Variants in SLC30A8 observed in about 807,000 individuals in gnomAD.
The protein encoded by SLC30A8 is proton-coupled zinc antiporter SLC30A8.
In SLC30A8, 27 loss-of-function variants were observed where a neutral mutation model predicts 36.9. The ratio of observed to expected loss-of-function variants is 0.73; its 90% CI spans 0.54 to 1.01. The LOEUF (loss-of-function observed/expected upper bound fraction) is 1.01, where lower values mean the gene tolerates loss of function less well. Among genes scored for constraint, SLC30A8 ranks in the 50% least tolerant of loss-of-function variants. SLC30A8 has a pLI of 0.00. For synonymous variants in SLC30A8, 164 were observed against 172.4 expected, an observed-to-expected ratio of 0.95 and a Z score of 0.38; for missense variants, 439 against 452.0, an observed-to-expected ratio of 0.97 and a Z score of 0.26.
chr8:117,105,790 CTAGAT>C (rs1180513773), intron 2 of SLC30A8, among the ~76,000 whole-genome samples: 1 of 152,122 alleles, frequency 6.6e-6, no homozygotes, highest in Non-Finnish European at 1.5e-5. Flanking sequence ...ACAGCTGCAC[CTAGAT>C]TAGTGTTTGA....
chr8:117,057,161 C>T (rs756597075), intron 2 of SLC30A8, among the ~76,000 whole-genome samples: 85 of 152,230 alleles, frequency 5.6e-4, no homozygotes, highest in Non-Finnish European at 9.1e-4. Flanking sequence ...TTTCTGATTC[C>T]GAGATGGCAT....
chr8:117,105,056 G>C (rs529387063), intron 2 of SLC30A8, among the ~76,000 whole-genome samples: 3 of 152,172 alleles, frequency 2.0e-5, no homozygotes, highest in African/African-American at 7.2e-5. Context: ...GTGGGTTTTG[G>C]CCAGCTTCTT....
intron 2 of SLC30A8, among the ~76,000 whole-genome samples, chr8:117,150,763 G>A (rs1822144994): frequency 6.6e-6 from 1 of 151,860 alleles, no homozygotes; most frequent in Non-Finnish European, 1.5e-5. Flanking sequence ...CTGCCACCAC[G>A]CTCGGCTAAT....
chr8:117,161,285 A>G (rs1563635794), intron 4 of SLC30A8, among the ~76,000 whole-genome samples: 2 of 152,194 alleles, frequency 1.3e-5, no homozygotes, highest in South Asian at 2.1e-4. Flanking sequence ...AAAATTCACT[A>G]CTTATCTTAT....
upstream of SLC30A8, among the ~76,000 whole-genome samples, chr8:117,131,590 AG>A (rs1821141226): frequency 6.6e-6 from 1 of 152,014 alleles, no homozygotes. Flanking sequence ...CCAAAGTCAT[AG>A]AGCCGATAGC....
intron 2 of SLC30A8, among the ~76,000 whole-genome samples, chr8:117,064,634 A>G (rs538188687): frequency 6.6e-6 from 1 of 152,228 alleles, no homozygotes; most frequent in Non-Finnish European, 1.5e-5. Context: ...ATTTGATGGC[A>G]GGGGGATGAC....
chr8:117,009,041 A>C (rs993644091), intron 1 of SLC30A8, among the ~76,000 whole-genome samples: 3 of 152,196 alleles, frequency 2.0e-5, no homozygotes, highest in Non-Finnish European at 4.4e-5. Flanking sequence ...AAGTATCCTG[A>C]ACAAATAACT....
Position 117,147,084 on chromosome 8 carries a change from G to A in SLC30A8, c.202G>A (p.Ala68Thr), listed in dbSNP as rs200572112. ...KPTEKGANEY[A>T]YAKWKLCSAS... Reference sequence around the variant, plus strand: ...CACAGAAAAGGGGGCGAATGAGTACGCCTATGCCAAGTGGAAACTCTGTTC... The same window carrying A: ...CACAGAAAAGGGGGCGAATGAGTACACCTATGCCAAGTGGAAACTCTGTTC... The change falls in exon 2 of 8, where the codon GCC (alanine) becomes ACC (threonine). Residue 68 changes from alanine (A) to threonine (T), a missense_variant. By Grantham distance (58) the Ala-to-Thr change is moderately conservative. Transcript: ENST00000456015. The A allele has an allele frequency of 3.9e-5, 63 of 1,614,008 alleles. No homozygotes were observed. The highest frequency in any genetic ancestry group is 1.2e-4 in the African/African-American group (9 of 74,922).
At chr8:117,145,236 A>G (rs1821844856) in intron 1 of SLC30A8, among the ~76,000 whole-genome samples, 1 of 152,142 alleles carries the variant, frequency 6.6e-6, no homozygotes, top group Non-Finnish European at 1.5e-5. Flanking sequence ...AACCTAAAGC[A>G]TCCTAATTAA....
At chr8:117,058,806 C>CCA (rs138407156) in intron 2 of SLC30A8, among the ~76,000 whole-genome samples, 6 of 152,030 alleles carry the variant, frequency 3.9e-5, no homozygotes, top group African/African-American at 1.4e-4. Flanking sequence ...TTATTGGAAT[C>CCA]CACACACACA....
chr8:117,130,453 C>T (rs1011015854), upstream of SLC30A8, among the ~76,000 whole-genome samples: 8 of 151,988 alleles, frequency 5.3e-5, no homozygotes, highest in African/African-American at 1.4e-4. Flanking sequence ...AAACCTTTCA[C>T]TGAAGGAAAA....
chr8:117,148,423 T>G (rs377430385), intron 2 of SLC30A8, among the ~76,000 whole-genome samples: 2 of 152,288 alleles, frequency 1.3e-5, no homozygotes, highest in East Asian at 3.9e-4. Context: ...TTCACTGATC[T>G]GTGTTTCTGG....
chr8:117,144,229 A>G (rs1821795730), intron 1 of SLC30A8, among the ~76,000 whole-genome samples: 1 of 152,190 alleles, frequency 6.6e-6, no homozygotes, highest in African/African-American at 2.4e-5. Context: ...TACATAACAA[A>G]AGCAAAAGTC....
intron 1 of SLC30A8, among the ~76,000 whole-genome samples, chr8:117,037,680 T>G (rs1196598384): frequency 1.3e-5 from 2 of 151,762 alleles, no homozygotes; most frequent in African/African-American, 2.4e-5. Context: ...AAAAAGAAAA[T>G]AAAATAAAAA....
chr8:116,996,901 C>T (rs987161716), intron 1 of SLC30A8, among the ~76,000 whole-genome samples: 5 of 151,672 alleles, frequency 3.3e-5, no homozygotes, highest in Admixed American at 2.0e-4. Flanking sequence ...AACTCCAAAC[C>T]CCATTGTTTG....
chr8:117,030,857 G>T (rs1301759721), intron 1 of SLC30A8, among the ~76,000 whole-genome samples: 1 of 152,084 alleles, frequency 6.6e-6, no homozygotes. Flanking sequence ...TTATTCAGGG[G>T]TATGTTCAAG....
intron 1 of SLC30A8, among the ~76,000 whole-genome samples, chr8:117,003,765 G>A (rs1563743302): frequency 6.6e-6 from 1 of 152,108 alleles, no homozygotes; most frequent in Non-Finnish European, 1.5e-5. Context: ...AAAGCAAATA[G>A]GTTTCCCTAC....
intron 1 of SLC30A8, among the ~76,000 whole-genome samples, chr8:117,019,652 A>G (rs1400264694): frequency 2.0e-5 from 3 of 152,158 alleles, no homozygotes; most frequent in African/African-American, 4.8e-5. Flanking sequence ...TAATCCCAGC[A>G]CCTAGCTCAG....
At chr8:117,015,225 C>T (rs1189846507) in intron 1 of SLC30A8, among the ~76,000 whole-genome samples, 1 of 152,010 alleles carries the variant, frequency 6.6e-6, no homozygotes, top group Non-Finnish European at 1.5e-5. Context: ...ATGTTCTACA[C>T]CACATAGAGA....
Sources: allele counts gnomAD v4.1 joint callset (sites outside exome capture counted in the v4.1 genomes callset), GRCh38; gene constraint gnomAD v4.1.1; transcripts MANE v1.5; gene names NCBI Gene and HGNC (gene_info 2026-07-23, HGNC 2026-07-21).